PLAGL1: variants seen among roughly 807,000 people sequenced by gnomAD.
PLAGL1 encodes PLAG1 like zinc finger 1.
Under a neutral mutation model 4.6 loss-of-function variants are expected in PLAGL1, and 1 was observed. The observed-to-expected ratio is 0.22, with a 90% CI of 0.08 to 1.03. The LOEUF (loss-of-function observed/expected upper bound fraction) is 1.03. Ranked by LOEUF, PLAGL1 falls within the 50% of genes least tolerant of loss-of-function variation. PLAGL1 has a pLI of 0.58. For synonymous variants in PLAGL1, 240 were observed against 237.8 expected (o/e 1.01, Z -0.08); for missense variants, 464 against 570.4 (o/e 0.81, Z 1.90).
chr6:144,017,099 T>A (rs1231443005), intron 1 of PLAGL1, among the ~76,000 whole-genome samples: 2 of 152,036 alleles, frequency 1.3e-5, no homozygotes, highest in African/African-American at 4.8e-5. Context: ...CTCGAAAAAA[T>A]CTTTTAGTGT....
At position 143,997,880 on chromosome 6, in the gene PLAGL1, T is replaced by G. The variant is rs999124146; in HGVS notation, c.-584+10210A>C. ...TGCGTATGTGTGTGTGTGTATAAAC[T>G]CATCAAGCTATATACTTAAGAATGG... On this transcript the variant is annotated intron_variant, in intron 1 of 7. Transcript: ENST00000674357. This position sits in a 1 kb window ranked among gnomAD's most constrained non-coding sequence, Gnocchi z 4.6. Among the ~76,000 whole-genome samples the G allele has an allele frequency of 1.3e-5, 2 of 152,162 alleles. No homozygotes were observed. The highest frequency in any genetic ancestry group is 4.8e-5 in the African/African-American group (2 of 41,418).
chr6:144,003,766 G>A (rs566163092), intron 1 of PLAGL1, among the ~76,000 whole-genome samples: 3 of 152,008 alleles, frequency 2.0e-5, no homozygotes, highest in African/African-American at 7.2e-5. Flanking sequence ...TTTAAAAAAT[G>A]GGCAAAATAT....
At chr6:144,018,712 C>T (rs1795739505) in intron 1 of PLAGL1, among the ~76,000 whole-genome samples, 1 of 152,040 alleles carries the variant, frequency 6.6e-6, no homozygotes, top group Non-Finnish European at 1.5e-5. Context: ...ATTCTCTCTG[C>T]AAGAACTTTA....
rs900108347 is a variant in PLAGL1, at chr6:144,027,817, T to C, written c.-151+36651A>G. ...TATCCATTCTAATAATCTCCATTTC[T>C]CCAGTCTTGCAAATATGTGCACAGA... is the stretch of plus-strand genomic sequence containing the variant. On this transcript the variant is annotated intron_variant, in intron 1 of 3. Transcript: ENST00000437412. This position sits in a 1 kb window ranked among gnomAD's most constrained non-coding sequence, Gnocchi z 5.8. Among the ~76,000 whole-genome samples the C allele has an allele frequency of 1.4e-4, 21 of 152,350 alleles. No individual in the cohort carries two copies. Among genetic ancestry groups the C allele is most frequent in the Non-Finnish European group, 2.9e-5 (2 of 68,038 alleles).
rs148265416 is a variant in PLAGL1, at chr6:144,022,822, T to A, written c.-151+41646A>T. Among the ~76,000 whole-genome samples, 2 of 152,336 alleles carry A rather than the reference T, an allele frequency of 1.3e-5. No homozygotes were observed. The highest frequency in any genetic ancestry group is 3.9e-4 in the East Asian group (2 of 5,182). The stretch of plus-strand genomic sequence containing the variant: ...AATTATGCAGTCTCAGGTATGTCTT[T>A]ATTGCAGCATGAGAACAGACTAATA... On this transcript the variant is annotated intron_variant, in intron 1 of 3. Transcript: ENST00000437412. This position sits in a 1 kb window ranked among gnomAD's most constrained non-coding sequence, Gnocchi z 4.2.
rs574594151 is a variant in PLAGL1 at position 144,053,826 on chromosome 6, C to T, written c.-151+10642G>A. 4.6e-5 allele frequency among the ~76,000 whole-genome samples: 7 copies of T among 152,284 alleles called. No individual in the cohort carries two copies. In the South Asian group the frequency reaches 1.5e-3, roughly 32 times the overall value. On this transcript the variant is annotated intron_variant, in intron 1 of 3. Coordinates refer to the PLAGL1 transcript ENST00000437412. This position sits in a 1 kb window ranked among gnomAD's most constrained non-coding sequence, Gnocchi z 4.0. Reference sequence around the variant, plus strand: ...CTTATCAGCACATCCTTCTAGGCAGCTACAATAAAATATGATGAAACTTAT... The same window carrying T: ...CTTATCAGCACATCCTTCTAGGCAGTTACAATAAAATATGATGAAACTTAT...
intron 1 of PLAGL1, among the ~76,000 whole-genome samples, chr6:144,043,969 G>A (rs1410232757): frequency 6.6e-6 from 1 of 152,184 alleles, no homozygotes; most frequent in African/African-American, 2.4e-5. Flanking sequence ...TTGCATAGAG[G>A]TGGTTATAGT....
chr6:143,956,195 AAT>A (rs1782090087), intron 6 of PLAGL1, among the ~76,000 whole-genome samples: 1 of 152,190 alleles, frequency 6.6e-6, no homozygotes, highest in Admixed American at 6.5e-5. Context: ...CTTGATCACC[AAT>A]GTTTTCCTCC....
rs564376097 is a variant in PLAGL1, at chr6:144,061,497, A to G, written c.-151+2971T>C. Among the ~76,000 whole-genome samples, 1 of 152,306 alleles carries G rather than the reference A, an allele frequency of 6.6e-6. No individual in the cohort carries two copies. The highest frequency in any genetic ancestry group is 2.1e-4 in the South Asian group (1 of 4,822). ...TCATAAGTCTCCTGTAGATCATATTATTATATCCCCATTGTACAATGAGCA... is the reference window on the plus strand; with the variant it reads ...TCATAAGTCTCCTGTAGATCATATTGTTATATCCCCATTGTACAATGAGCA... On this transcript the variant is annotated intron_variant, in intron 1 of 3. Transcript: ENST00000437412. This position sits in a 1 kb window ranked among gnomAD's most constrained non-coding sequence, Gnocchi z 4.4.
chr6:143,943,050 T>TTTTTTTTTTTA (rs1562373964), intron 7 of PLAGL1, among the ~76,000 whole-genome samples: 4 of 147,330 alleles, frequency 2.7e-5, no homozygotes, highest in South Asian at 2.2e-4. Flanking sequence ...TTTTTTTTTT[T>TTTTTTTTTTTA]GAGACAAGGT....
chr6:144,057,119 T>G (rs1799030985), intron 1 of PLAGL1, among the ~76,000 whole-genome samples: 1 of 152,246 alleles, frequency 6.6e-6, no homozygotes, highest in South Asian at 2.1e-4. Context: ...TTTCAACTCC[T>G]TTGGGTAAAT....
Position 143,957,687 on chromosome 6 carries a change from C to A in PLAGL1, c.-325+2782G>T, listed in dbSNP as rs905048025. Among the ~76,000 whole-genome samples the A allele has an allele frequency of 5.3e-5, 8 of 152,190 alleles. No individual in the cohort carries two copies. Among genetic ancestry groups the A allele is most frequent in the African/African-American group, 1.9e-4 (8 of 41,448 alleles). ...AGAAATGTGAAAAGCATATTAGTTA[C>A]ATTGACCATGGGATGCCTGGTTTGT... On this transcript the variant is annotated intron_variant, in intron 6 of 7. Coordinates refer to ENST00000674357, the MANE Select transcript of PLAGL1 (RefSeq NM_001317162.2). The surrounding 1 kb of genome is among the most constrained non-coding windows in gnomAD (Gnocchi z 4.2).
At position 143,962,048 on chromosome 6, in the gene PLAGL1, A is replaced by G. The variant is rs1049349464; in HGVS notation, c.-398-1506T>C. 6.6e-6 allele frequency among the ~76,000 whole-genome samples: 1 copy of G among 152,212 alleles called. No homozygotes were observed. The highest frequency in any genetic ancestry group is 2.4e-5 in the African/African-American group (1 of 41,444). ...GCTTATTCTTAAGCTGTTCAATGTA[A>G]GCAGCACTCGTGAAAGAGGAGAACT... On this transcript the variant is annotated intron_variant, in intron 5 of 7. Transcript: ENST00000674357. The surrounding 1 kb of genome is among the most constrained non-coding windows in gnomAD (Gnocchi z 5.3).
intron 1 of PLAGL1, among the ~76,000 whole-genome samples, chr6:144,038,469 G>C (rs1797444880): frequency 6.6e-6 from 1 of 152,154 alleles, no homozygotes; most frequent in African/African-American, 2.4e-5. Flanking sequence ...TGAGGTACTG[G>C]CATTAAGGCT....
Position 143,997,115 on chromosome 6 carries a change from A to C in PLAGL1, c.-584+10975T>G, listed in dbSNP as rs1791798116. Among the ~76,000 whole-genome samples, 1 of 152,240 alleles carries C rather than the reference A, an allele frequency of 6.6e-6. No homozygotes were observed. The highest frequency in any genetic ancestry group is 2.1e-4 in the South Asian group (1 of 4,832). ...AACCATGAGACCATGAAGCCATGAG[A>C]TATCACCTCAAACCCACCAGAGGGC... On this transcript the variant is annotated intron_variant, in intron 1 of 7. Transcript: ENST00000674357. This position sits in a 1 kb window ranked among gnomAD's most constrained non-coding sequence, Gnocchi z 4.6.
Position 143,947,268 on chromosome 6 carries a change from C to G in PLAGL1, c.152+717G>C, listed in dbSNP as rs1351879884. Among the ~76,000 whole-genome samples, 2 of 152,162 alleles carry G rather than the reference C, an allele frequency of 1.3e-5. No individual in the cohort carries two copies. Among genetic ancestry groups the G allele is most frequent in the African/African-American group, 4.8e-5 (2 of 41,422 alleles). Reference sequence around the variant, plus strand: ...CATTTAAACTTGGAGATGTCTCCTCCTAGCTTTACTCTCAGGACCTGGATC... The same window carrying G: ...CATTTAAACTTGGAGATGTCTCCTCGTAGCTTTACTCTCAGGACCTGGATC... On this transcript the variant is annotated intron_variant, in intron 7 of 7. Coordinates refer to ENST00000674357, the MANE Select transcript of PLAGL1 (RefSeq NM_001317162.2). This position sits in a 1 kb window ranked among gnomAD's most constrained non-coding sequence, Gnocchi z 4.3.
intron 1 of PLAGL1, among the ~76,000 whole-genome samples, chr6:144,031,309 C>T (rs923225647): frequency 1.1e-4 from 16 of 152,180 alleles, no homozygotes; most frequent in African/African-American, 3.6e-4. Context: ...TGTCTGTCAA[C>T]TCTGCTAATT....
chr6:143,999,028 G>T (rs977591530), intron 1 of PLAGL1, among the ~76,000 whole-genome samples: 25 of 152,122 alleles, frequency 1.6e-4, no homozygotes, highest in African/African-American at 6.0e-4. Context: ...GACCCCAGTG[G>T]TCACTACACA....
intron 1 of PLAGL1, among the ~76,000 whole-genome samples, chr6:143,987,345 A>G (rs926840773): frequency 1.3e-5 from 2 of 150,376 alleles, no homozygotes; most frequent in African/African-American, 2.4e-5. Context: ...AGCAGAGTTA[A>G]TGGCAGGTTG....
Sources: gnomAD v4.1 joint callset for allele counts (sites outside exome capture counted in the v4.1 genomes callset) on GRCh38, gnomAD v4.1.1 for gene constraint, Gnocchi (gnomAD v3.1) non-coding constraint, MANE v1.5 for transcripts, NCBI Gene and HGNC (gene_info 2026-07-23, HGNC 2026-07-21) for gene names.